Variants in DNAL4 observed in about 807,000 individuals in gnomAD.
DNAL4 encodes dynein light chain, outer arm 4.
In DNAL4, 10 loss-of-function variants were observed where a neutral mutation model predicts 12.6. The observed-to-expected ratio is 0.79, with a 90% CI of 0.49 to 1.34. The LOEUF (loss-of-function observed/expected upper bound fraction) is 1.34. DNAL4 is among the 40% of genes most tolerant of loss of function. DNAL4 has a pLI of 0.00. For missense variants in DNAL4, 128 were observed against 138.1 expected, an observed-to-expected ratio of 0.93 and a Z score of 0.37; for synonymous variants, 46 against 53.1, an observed-to-expected ratio of 0.87 and a Z score of 0.58.
chr22:38,781,576 C>G lies in DNAL4; in HGVS notation c.70-567G>C, dbSNP rs923921408. Among the ~76,000 whole-genome samples the G allele has an allele frequency of 3.3e-5, 5 of 152,200 alleles. No individual in the cohort carries two copies. In the East Asian group the frequency reaches 9.6e-4, roughly 29 times the overall value. ...CCACACTTCTACCCCCAGCTCTAACCTCTTCTTTGGGCTCCTGACTACTCT... is the reference window on the plus strand; with the variant it reads ...CCACACTTCTACCCCCAGCTCTAACGTCTTCTTTGGGCTCCTGACTACTCT... On this transcript the variant is annotated intron_variant, in intron 2 of 3. Coordinates refer to ENST00000216068, the MANE Select transcript of DNAL4 (RefSeq NM_005740.3).
At position 38,782,834 on chromosome 22, in the gene DNAL4, C is replaced by G. The variant is rs2093036433; in HGVS notation, c.-103G>C. On this transcript the variant is annotated 5_prime_UTR_variant, in exon 2 of 4. Transcript: ENST00000216068. The surrounding 1 kb of genome is among the most constrained non-coding windows in gnomAD (Gnocchi z 5.1). Reference sequence around the variant, plus strand: ...AGATTCAGGAAGCAGGCCCTGCCAACTCGGTGGGAGCAGAAAATGTCTTTC... The same window carrying G: ...AGATTCAGGAAGCAGGCCCTGCCAAGTCGGTGGGAGCAGAAAATGTCTTTC... The G allele has an allele frequency of 9.0e-7, 1 of 1,107,848 alleles. No individual in the cohort carries two copies. Among genetic ancestry groups the G allele is most frequent in the Middle Eastern group, 2.1e-4 (1 of 4,786 alleles). The allele number at this position is 1,107,848 out of a possible 1,614,324, so 68.6% of individuals were successfully genotyped here.
rs1036044863 is a variant in DNAL4 at position 38,782,192 on chromosome 22, T to G, written c.69+471A>C. Among the ~76,000 whole-genome samples the G allele has an allele frequency of 1.3e-5, 2 of 152,106 alleles. No individual in the cohort carries two copies. The highest frequency in any genetic ancestry group is 2.9e-5 in the Non-Finnish European group (2 of 68,022). ...TGTGCCTCCAAAATGCCAAGTTCAT[T>G]CCCATCCCAGGCTTCCCGTGCCTCT... is the stretch of plus-strand genomic sequence containing the variant. On this transcript the variant is annotated intron_variant, in intron 2 of 3. Coordinates refer to ENST00000216068, the MANE Select transcript of DNAL4 (RefSeq NM_005740.3). The surrounding 1 kb of genome is among the most constrained non-coding windows in gnomAD (Gnocchi z 5.1).
intron 1 of DNAL4, among the ~76,000 whole-genome samples, chr22:38,788,630 T>C (rs1296974606): frequency 1.3e-5 from 2 of 152,192 alleles, no homozygotes; most frequent in Non-Finnish European, 2.9e-5. Flanking sequence ...CAGACAGTTT[T>C]GTCAAGATAC....
At chr22:38,781,708 C>T (rs2093034668) in intron 2 of DNAL4, among the ~76,000 whole-genome samples, 1 of 152,110 alleles carries the variant, frequency 6.6e-6, no homozygotes, top group Non-Finnish European at 1.5e-5. Flanking sequence ...ACCATTTTTT[C>T]TCCCAATACT....
In DNAL4 at chr22:38,788,016, C is replaced by T. The variant is rs2093045022; in HGVS notation, c.-139-5146G>A. ...AAGCAAGTAGGAGACAAGCCAGTAA[C>T]ACAGATGACTTCGATACTCAGCATC... is the stretch of plus-strand genomic sequence containing the variant. On this transcript the variant is annotated intron_variant, in intron 1 of 3. Transcript: ENST00000216068. 2.0e-5 allele frequency among the ~76,000 whole-genome samples: 3 copies of T among 152,192 alleles called. No individual in the cohort carries two copies. In the South Asian group the frequency reaches 6.2e-4, roughly 31 times the overall value.
rs140328200 is a variant in DNAL4 at position 38,782,412 on chromosome 22, C to A, written c.69+251G>T. ...ATGTATTTCATGTGGGCCAGGCCTT[C>A]GCCTGTCTCGTTTACCATCCCCACA... On this transcript the variant is annotated intron_variant, in intron 2 of 3. Coordinates refer to ENST00000216068, the MANE Select transcript of DNAL4 (RefSeq NM_005740.3). This position sits in a 1 kb window ranked among gnomAD's most constrained non-coding sequence, Gnocchi z 5.1. Among the ~76,000 whole-genome samples, 840 of 152,364 alleles carry A rather than the reference C, an allele frequency of 5.5e-3. 6 individuals are homozygous for A. The highest frequency in any genetic ancestry group is 0.019 in the African/African-American group (805 of 41,590).
intron 1 of DNAL4, among the ~76,000 whole-genome samples, chr22:38,788,206 T>C (rs2093045316): frequency 6.6e-6 from 1 of 152,010 alleles, no homozygotes; most frequent in African/African-American, 2.4e-5. Context: ...AAGACGCTCG[T>C]AGTAAGGTCA....
rs1308014005 is a variant in DNAL4 at position 38,780,790 on chromosome 22, A to G, written c.153+136T>C. 3 of 840,852 alleles carry G rather than the reference A, an allele frequency of 3.6e-6. No homozygotes were observed. In the Admixed American group the frequency reaches 7.9e-5, roughly 22 times the overall value. The allele number at this position is 840,852 out of a possible 1,614,324, so 52.1% of individuals were successfully genotyped here. On this transcript the variant is annotated intron_variant, in intron 3 of 3. Transcript: ENST00000216068. ...CCTCTCACTCACTGACTTTCCCCAG[A>G]CTGAATGCTTCCAAGGAAGGCTCTG... is the stretch of plus-strand genomic sequence containing the variant.
At position 38,779,723 on chromosome 22, in the gene DNAL4, C is replaced by A; in HGVS notation, c.154-110G>T. On this transcript the variant is annotated intron_variant, in intron 3 of 3. Coordinates refer to ENST00000216068, the MANE Select transcript of DNAL4 (RefSeq NM_005740.3). The surrounding 1 kb of genome is among the most constrained non-coding windows in gnomAD (Gnocchi z 4.3). Reference sequence around the variant, plus strand: ...CACTGAGGTCTTGGCAAGAGAAAGGCCTGCTGTCCTATTTCTCTTGTCCTC... The same window carrying A: ...CACTGAGGTCTTGGCAAGAGAAAGGACTGCTGTCCTATTTCTCTTGTCCTC... 7.4e-7 allele frequency: 1 copy of A among 1,348,332 alleles called. No individual in the cohort carries two copies. Among genetic ancestry groups the A allele is most frequent in the South Asian group, 1.5e-5 (1 of 68,068 alleles). The allele number at this position is 1,348,332 out of a possible 1,614,324, so 83.5% of individuals were successfully genotyped here.
At chr22:38,780,815 G>T in intron 3 of DNAL4, 111 bp downstream of exon 3, 1 of 1,056,992 alleles carries the variant, frequency 9.5e-7, no homozygotes. Flanking sequence ...GGAAGGCTCT[G>T]GCCTCATCCT....
At chr22:38,789,032 A>G (rs537055617) in intron 1 of DNAL4, among the ~76,000 whole-genome samples, 2 of 152,232 alleles carry the variant, frequency 1.3e-5, no homozygotes, top group East Asian at 1.9e-4. Context: ...ATGGGAGGGG[A>G]GAGGACCTAT....
Position 38,779,656 on chromosome 22 carries a change from G to C in DNAL4, c.154-43C>G. 1 of 1,560,984 alleles carries C rather than the reference G, an allele frequency of 6.4e-7. No individual in the cohort carries two copies. The highest frequency in any genetic ancestry group is 1.9e-5 in the Admixed American group (1 of 53,728). ...CTTATCAAGGGGGCGCAGGGCAGGT[G>C]GGGGCAGGAGTCAGGTCCTTCTCCA... On this transcript the variant is annotated intron_variant, in intron 3 of 3. Transcript: ENST00000216068. This position sits in a 1 kb window ranked among gnomAD's most constrained non-coding sequence, Gnocchi z 4.3.
chr22:38,782,811 A>G lies in DNAL4; in HGVS notation c.-80T>C, dbSNP rs2093036379. On this transcript the variant is annotated 5_prime_UTR_variant, in exon 2 of 4. Transcript: ENST00000216068. The surrounding 1 kb of genome is among the most constrained non-coding windows in gnomAD (Gnocchi z 5.1). ...CTGGCAGTTAAGACACACCCAGGAG[A>G]TTCAGGAAGCAGGCCCTGCCAACTC... 1 of 1,391,794 alleles carries G rather than the reference A, an allele frequency of 7.2e-7. No homozygotes were observed. The highest frequency in any genetic ancestry group is 1.5e-5 in the African/African-American group (1 of 66,730). 86.2% of individuals were successfully genotyped at this position (1,391,794 alleles called of 1,614,324 possible).
intron 3 of DNAL4, 135 bp downstream of exon 3, chr22:38,780,791 C>G: frequency 1.2e-6 from 1 of 849,122 alleles, no homozygotes; most frequent in South Asian, 1.7e-5. Flanking sequence ...TTTCCCCAGA[C>G]TGAATGCTTC....
chr22:38,788,967 C>T (rs1017386635), intron 1 of DNAL4, among the ~76,000 whole-genome samples: 10 of 152,272 alleles, frequency 6.6e-5, no homozygotes, highest in East Asian at 1.9e-4. Context: ...GTCTGGCACA[C>T]GGCAGAAGCC....
chr22:38,788,796 T>C (rs1482263892), intron 1 of DNAL4, among the ~76,000 whole-genome samples: 1 of 152,214 alleles, frequency 6.6e-6, no homozygotes, highest in Admixed American at 6.5e-5. Context: ...CAGAAATAAA[T>C]TGGACTTAGC....
In DNAL4 at chr22:38,791,097, G is replaced by A. The variant is rs2093049865; in HGVS notation, c.-140+2971C>T. Among the ~76,000 whole-genome samples the A allele has an allele frequency of 2.0e-5, 3 of 151,698 alleles. No homozygotes were observed. The South Asian group carries it at 6.2e-4, about 32-fold the overall frequency. ...CAGGAGAATCTCTTGAACCTGGGAG[G>A]CGGAGGTTGCAGTGAGCAGAAATCA... is the stretch of plus-strand genomic sequence containing the variant. On this transcript the variant is annotated intron_variant, in intron 1 of 3. Coordinates refer to ENST00000216068, the MANE Select transcript of DNAL4 (RefSeq NM_005740.3).
At chr22:38,790,916 C>T (rs1249914366) in intron 1 of DNAL4, among the ~76,000 whole-genome samples, 1 of 152,044 alleles carries the variant, frequency 6.6e-6, no homozygotes, top group Admixed American at 6.6e-5. Flanking sequence ...GCTTGTAATC[C>T]CAGCACTTTG....
chr22:38,787,517 C>T (rs181730624), intron 1 of DNAL4, among the ~76,000 whole-genome samples: 1 of 152,304 alleles, frequency 6.6e-6, no homozygotes, highest in Admixed American at 6.5e-5. Flanking sequence ...GCTAGGATTA[C>T]AGGCGTGGGC....
Sources: gnomAD v4.1 joint callset for allele counts (sites outside exome capture counted in the v4.1 genomes callset) on GRCh38, gnomAD v4.1.1 for gene constraint, Gnocchi (gnomAD v3.1) non-coding constraint, MANE v1.5 for transcripts, NCBI Gene and HGNC (gene_info 2026-07-23, HGNC 2026-07-21) for gene names.